Variants in AGBL1 observed in about 807,000 individuals in gnomAD.
AGBL1 encodes the protein cytosolic carboxypeptidase 4.
A neutral mutation model predicts 118.9 loss-of-function variants in AGBL1; 130 were observed. The observed-to-expected ratio is 1.09, with a 90% CI of 0.95 to 1.26. The LOEUF is 1.26. Ranked by LOEUF, AGBL1 falls within the 50% of genes most tolerant of loss-of-function variation. The probability of loss-of-function intolerance (pLI) is 0.00; values close to 1 mark genes in which losing one functional copy is unlikely to be tolerated. For synonymous variants in AGBL1, 555 were observed against 478.9 expected, an observed-to-expected ratio of 1.16 and a Z score of -2.08; for missense variants, 1,584 against 1,298.1, an observed-to-expected ratio of 1.22 and a Z score of -3.38.
At chr15:86,746,737 G>T (rs1457145740) in intron 22 of AGBL1, among the ~76,000 whole-genome samples, 2 of 151,922 alleles carry the variant, frequency 1.3e-5, no homozygotes, top group South Asian at 2.1e-4. Context: ...TCTAGTGTTG[G>T]TCATTAAATG....
At chr15:86,731,786 T>C (rs1470370446) in intron 22 of AGBL1, among the ~76,000 whole-genome samples, 1 of 152,222 alleles carries the variant, frequency 6.6e-6, no homozygotes, top group Non-Finnish European at 1.5e-5. Flanking sequence ...AAGTAAAGCT[T>C]GCTTATGTGT....
Position 86,321,776 on chromosome 15 carries a change from C to CAAAA in AGBL1, c.2374+26377_2374+26380dup, listed in dbSNP as rs71144040. Among the ~76,000 whole-genome samples, 543 of 144,358 alleles carry CAAAA rather than the reference C, an allele frequency of 3.8e-3. 7 individuals are homozygous for CAAAA. Among genetic ancestry groups the CAAAA allele is most frequent in the African/African-American group, 0.013 (504 of 39,108 alleles). 94.7% of individuals were successfully genotyped at this position (144,358 alleles called of 152,430 possible). A position where few individuals can be genotyped will look rare whatever the true frequency, so the allele number is the denominator to read the frequency against. On this transcript the variant is annotated intron_variant, in intron 17 of 22. Coordinates refer to ENST00000614907, the MANE Select transcript of AGBL1 (RefSeq NM_001386094.1). Reference sequence around the variant, plus strand: ...TGGGCAATGAAGTGAGACTCTGTCTCAAAAAAAAAAAATAGAATTTATTTT... The same window carrying CAAAA: ...TGGGCAATGAAGTGAGACTCTGTCTCAAAAAAAAAAAAAAAATAGAATTTATTTT...
At chr15:86,156,593 G>C (rs551186670) in intron 4 of AGBL1, among the ~76,000 whole-genome samples, 1 of 152,098 alleles carries the variant, frequency 6.6e-6, no homozygotes, top group Non-Finnish European at 1.5e-5. Flanking sequence ...ATGGGAGAAT[G>C]TTCATGGGCA....
At chr15:86,971,784 GTAATCCCCA>G (rs1344691084) in intron 23 of AGBL1, among the ~76,000 whole-genome samples, 4 of 151,900 alleles carry the variant, frequency 2.6e-5, no homozygotes, top group African/African-American at 4.8e-5. Flanking sequence ...ATCTTGAATT[GTAATCCCCA>G]TAATCCCCAT....
At chr15:86,150,651 C>A (rs187427039) in intron 3 of AGBL1, among the ~76,000 whole-genome samples, 28 of 152,248 alleles carry the variant, frequency 1.8e-4, no homozygotes, top group African/African-American at 6.5e-4. Context: ...CAAAAAAAGT[C>A]CAGGTCCAGA....
At chr15:86,445,761 G>A (rs763279124) in intron 18 of AGBL1, among the ~76,000 whole-genome samples, 8 of 152,156 alleles carry the variant, frequency 5.3e-5, no homozygotes, top group Non-Finnish European at 8.8e-5. Flanking sequence ...AATAAATGAA[G>A]TGGAAAGGAA....
intron 22 of AGBL1, among the ~76,000 whole-genome samples, chr15:86,801,656 A>G (rs1011628840): frequency 5.9e-5 from 9 of 152,130 alleles, no homozygotes; most frequent in African/African-American, 2.2e-4. Flanking sequence ...AACCTTCAAC[A>G]TAGAGATAAC....
At chr15:86,412,502 C>A (rs1306737087) in intron 18 of AGBL1, among the ~76,000 whole-genome samples, 8 of 152,120 alleles carry the variant, frequency 5.3e-5, no homozygotes, top group Non-Finnish European at 4.4e-5. Context: ...AGTGTTTTAA[C>A]TATAATTGTC....
In AGBL1 at chr15:86,255,654, C is replaced by A. The variant is rs188955756; in HGVS notation, c.736-1199C>A. Reference sequence around the variant, plus strand: ...AAACATTAGCTGGTGTTGTAGCAGGCATCTGTAATCCCAGCTTCTCAGGAG... The same window carrying A: ...AAACATTAGCTGGTGTTGTAGCAGGAATCTGTAATCCCAGCTTCTCAGGAG... On this transcript the variant is annotated intron_variant, in intron 7 of 22. Coordinates refer to ENST00000614907, the MANE Select transcript of AGBL1 (RefSeq NM_001386094.1). Among the ~76,000 whole-genome samples, 24 of 152,192 alleles carry A rather than the reference C, an allele frequency of 1.6e-4. 1 individual carries two copies. In the East Asian group the frequency reaches 4.5e-3, roughly 28 times the overall value.
chr15:86,161,964 T>C (rs752746440), intron 5 of AGBL1, among the ~76,000 whole-genome samples: 4 of 152,350 alleles, frequency 2.6e-5, no homozygotes, highest in Non-Finnish European at 4.4e-5. Flanking sequence ...ATCGTGTGCT[T>C]TGACATGCTA....
chr15:86,604,488 C>T (rs1000858436), intron 21 of AGBL1, among the ~76,000 whole-genome samples: 2 of 152,290 alleles, frequency 1.3e-5, no homozygotes, highest in South Asian at 4.1e-4. Flanking sequence ...CGAGGCCAGG[C>T]AATATTTACT....
chr15:86,355,878 C>G (rs1388119835), intron 17 of AGBL1, among the ~76,000 whole-genome samples: 2 of 151,958 alleles, frequency 1.3e-5, no homozygotes, highest in Non-Finnish European at 2.9e-5. Context: ...ATGATTTTAC[C>G]CAGAGAAAAC....
intron 21 of AGBL1, among the ~76,000 whole-genome samples, chr15:86,619,031 G>C (rs528440890): frequency 6.6e-6 from 1 of 151,956 alleles, no homozygotes; most frequent in East Asian, 1.9e-4. Flanking sequence ...AGAAAATTTC[G>C]TAGGCCCTTC....
intron 18 of AGBL1, among the ~76,000 whole-genome samples, chr15:86,439,783 T>G (rs983953562): frequency 1.3e-5 from 2 of 152,148 alleles, no homozygotes; most frequent in African/African-American, 4.8e-5. Flanking sequence ...ATTCCTCCTC[T>G]CTCCAACAGC....
chr15:86,641,625 C>A (rs2085192810), intron 21 of AGBL1, among the ~76,000 whole-genome samples: 1 of 151,868 alleles, frequency 6.6e-6, no homozygotes, highest in South Asian at 2.1e-4. Context: ...TAAATGCAAC[C>A]ACAGTGTGTA....
chr15:86,739,746 C>T (rs1036398966), intron 22 of AGBL1, among the ~76,000 whole-genome samples: 2 of 152,082 alleles, frequency 1.3e-5, no homozygotes, highest in Non-Finnish European at 2.9e-5. Flanking sequence ...CCTTTCAAAA[C>T]CCTAATGCAC....
intron 22 of AGBL1, among the ~76,000 whole-genome samples, chr15:86,788,184 G>A (rs112127460): frequency 3.9e-4 from 59 of 152,338 alleles, no homozygotes; most frequent in African/African-American, 1.4e-3. Flanking sequence ...CAAGCCCTTG[G>A]AAGGACTTAG....
At chr15:86,108,200 C>T (rs1377627992) in intron 1 of AGBL1, among the ~76,000 whole-genome samples, 3 of 152,216 alleles carry the variant, frequency 2.0e-5, no homozygotes, top group Non-Finnish European at 1.5e-5. Context: ...TAGCAGCTCT[C>T]TTGAGGAGAG....
At chr15:86,947,451 T>C (rs1174897571) in intron 23 of AGBL1, among the ~76,000 whole-genome samples, 3 of 152,224 alleles carry the variant, frequency 2.0e-5, no homozygotes, top group African/African-American at 7.2e-5. Flanking sequence ...GTTCTATGAC[T>C]CAATCATTTG....
Sources: allele counts gnomAD v4.1 joint callset (sites outside exome capture counted in the v4.1 genomes callset), GRCh38; gene constraint gnomAD v4.1.1; transcripts MANE v1.5; gene names NCBI Gene and HGNC (gene_info 2026-07-23, HGNC 2026-07-21).